Variants in RBFOX1 observed in about 807,000 individuals in gnomAD.
RBFOX1 encodes RNA binding fox-1 homolog 1.
In RBFOX1, 8 loss-of-function variants were observed where a neutral mutation model predicts 57.7. The ratio of observed to expected loss-of-function variants is 0.14; its 90% CI spans 0.08 to 0.25. The LOEUF is 0.25. RBFOX1 is among the 10% of genes least tolerant of loss of function. The probability of loss-of-function intolerance (pLI) is 1.00; values close to 1 mark genes in which losing one functional copy is unlikely to be tolerated. For missense variants in RBFOX1, 611 were observed against 548.5 expected (o/e 1.11, Z -1.14); for synonymous variants, 326 against 222.4 (o/e 1.47, Z -4.15).
rs71145234 is a variant in RBFOX1 at position 6,486,082 on chromosome 16, C to CTTTTTT, written c.-63-168501_-63-168496dup. Among the ~76,000 whole-genome samples the CTTTTTT allele has an allele frequency of 1.3e-3, 83 of 62,960 alleles. 2 individuals are homozygous for CTTTTTT. The highest frequency in any genetic ancestry group is 2.0e-3 in the Admixed American group (9 of 4,554). The allele number at this position is 62,960 out of a possible 152,430, so 41.3% of individuals were successfully genotyped here. A position where few individuals can be genotyped will look rare whatever the true frequency, so the allele number is the denominator to read the frequency against. ...AGTTGAAGGAGATCTCAGTAAAAGG[C>CTTTTTT]TTTTTTTTTTTTTTTTTTTTTTTTT... On this transcript the variant is annotated intron_variant, in intron 2 of 15. Coordinates refer to ENST00000550418, the MANE Select transcript of RBFOX1 (RefSeq NM_018723.4).
intron 4 of RBFOX1, among the ~76,000 whole-genome samples, chr16:5,937,506 T>C (rs2059191316): frequency 6.6e-6 from 1 of 152,026 alleles, no homozygotes; most frequent in Non-Finnish European, 1.5e-5. Flanking sequence ...AATATATAAA[T>C]ATTTGCAGGC....
intron 1 of RBFOX1, among the ~76,000 whole-genome samples, chr16:5,392,518 T>C (rs1027117383): frequency 1.3e-5 from 2 of 151,408 alleles, no homozygotes; most frequent in African/African-American, 4.8e-5. Flanking sequence ...TCTAATGATA[T>C]ATATATATAT....
At chr16:6,467,289 T>C (rs2095071491) in intron 2 of RBFOX1, among the ~76,000 whole-genome samples, 1 of 151,798 alleles carries the variant, frequency 6.6e-6, no homozygotes, top group Admixed American at 6.6e-5. Context: ...ATTTAATAAA[T>C]TGAATTCCAT....
chr16:5,529,723 C>T (rs11076920), intron 2 of RBFOX1, among the ~76,000 whole-genome samples: 33 of 151,910 alleles, frequency 2.2e-4, no homozygotes, highest in African/African-American at 6.3e-4. Flanking sequence ...AGTGCCACCA[C>T]GCCTGGCTAA....
chr16:5,672,348 A>G (rs926813014), intron 3 of RBFOX1, among the ~76,000 whole-genome samples: 1 of 152,072 alleles, frequency 6.6e-6, no homozygotes, highest in Non-Finnish European at 1.5e-5. Context: ...TCTTGACTTC[A>G]TGCCTGGTGC....
At chr16:6,367,864 G>C (rs2089884979) in intron 2 of RBFOX1, among the ~76,000 whole-genome samples, 1 of 152,124 alleles carries the variant, frequency 6.6e-6, no homozygotes, top group Non-Finnish European at 1.5e-5. Flanking sequence ...CAGTTAATGG[G>C]GTTGCCTAAA....
chr16:7,183,001 A>G (rs1048095995), intron 4 of RBFOX1, among the ~76,000 whole-genome samples: 3 of 152,176 alleles, frequency 2.0e-5, no homozygotes, highest in Non-Finnish European at 4.4e-5. Context: ...GCTAAGCCTT[A>G]TTTAGAACAA....
At chr16:5,637,722 A>G (rs917365507) in intron 3 of RBFOX1, among the ~76,000 whole-genome samples, 4 of 152,162 alleles carry the variant, frequency 2.6e-5, no homozygotes, top group Admixed American at 6.5e-5. Flanking sequence ...CTAAGGGTGG[A>G]ACAGGAGATG....
intron 2 of RBFOX1, among the ~76,000 whole-genome samples, chr16:5,568,901 C>T (rs578004735): frequency 7.9e-5 from 12 of 152,200 alleles, no homozygotes; most frequent in South Asian, 2.1e-4. Context: ...AGTGCAGTGA[C>T]GCGATCTCAG....
intron 2 of RBFOX1, among the ~76,000 whole-genome samples, chr16:5,583,210 A>C (rs2046730824): frequency 6.6e-6 from 1 of 152,224 alleles, no homozygotes; most frequent in Non-Finnish European, 1.5e-5. Context: ...ACATCCATTC[A>C]TGTTATTTAA....
intron 2 of RBFOX1, among the ~76,000 whole-genome samples, chr16:6,514,313 C>T (rs755814476): frequency 4.7e-4 from 72 of 152,070 alleles, no homozygotes; most frequent in African/African-American, 7.2e-4. Context: ...TCTGGCTTCC[C>T]GAGAGTCTCT....
At chr16:6,925,618 G>A (rs766271904) in intron 3 of RBFOX1, among the ~76,000 whole-genome samples, 5 of 151,904 alleles carry the variant, frequency 3.3e-5, no homozygotes, top group Non-Finnish European at 5.9e-5. Context: ...ATATTTGGGG[G>A]CATCAGTAAA....
At chr16:6,985,832 TAAA>T (rs565941451) in intron 3 of RBFOX1, among the ~76,000 whole-genome samples, 1 of 99,840 alleles carries the variant, frequency 1.0e-5, no homozygotes. Context: ...TGAGTTCATG[TAAA>T]AAAAAAAAAA....
intron 4 of RBFOX1, among the ~76,000 whole-genome samples, chr16:6,009,532 G>A (rs538510665): frequency 5.9e-5 from 9 of 152,118 alleles, no homozygotes; most frequent in Admixed American, 3.9e-4. Flanking sequence ...AATACCTGTA[G>A]ATTTTAATAT....
intron 2 of RBFOX1, among the ~76,000 whole-genome samples, chr16:6,602,492 G>C (rs977109900): frequency 6.6e-6 from 1 of 152,116 alleles, no homozygotes; most frequent in African/African-American, 2.4e-5. Flanking sequence ...GGATCAGTCT[G>C]TGCTGAATCC....
At chr16:6,839,501 A>G (rs2093339122) in intron 3 of RBFOX1, among the ~76,000 whole-genome samples, 1 of 152,188 alleles carries the variant, frequency 6.6e-6, no homozygotes, top group Admixed American at 6.5e-5. Flanking sequence ...TTTATTATGG[A>G]CAGAAAGGCC....
chr16:6,964,854 C>G (rs1290737311), intron 3 of RBFOX1, among the ~76,000 whole-genome samples: 1 of 152,140 alleles, frequency 6.6e-6, no homozygotes, highest in African/African-American at 2.4e-5. Flanking sequence ...GCTCCCAGCT[C>G]CTTGCTGTGT....
chr16:6,818,913 G>C (rs991145077), intron 3 of RBFOX1, among the ~76,000 whole-genome samples: 7 of 152,226 alleles, frequency 4.6e-5, no homozygotes, highest in South Asian at 4.1e-4. Context: ...TTTCCTCTGG[G>C]CATGCTGAAC....
chr16:6,153,336 A>C (rs2152728297), intron 1 of RBFOX1, among the ~76,000 whole-genome samples: 1 of 152,264 alleles, frequency 6.6e-6, no homozygotes, highest in Middle Eastern at 3.4e-3. Context: ...AAAAAACAAA[A>C]CCATTTTGAA....
Sources: gnomAD v4.1 joint callset for allele counts (sites outside exome capture counted in the v4.1 genomes callset) on GRCh38, gnomAD v4.1.1 for gene constraint, MANE v1.5 for transcripts, NCBI Gene and HGNC (gene_info 2026-07-23, HGNC 2026-07-21) for gene names.